PCDH15: variants seen among roughly 807,000 people sequenced by gnomAD.
PCDH15 encodes the protein protocadherin related 15.
In PCDH15, 129 loss-of-function variants were observed where a neutral mutation model predicts 178.5. That is an observed-to-expected ratio of 0.72 (90% CI 0.63 to 0.84). The LOEUF (loss-of-function observed/expected upper bound fraction) is 0.84. Among genes scored for constraint, PCDH15 ranks in the 40% least tolerant of loss-of-function variants. The probability of loss-of-function intolerance (pLI) is 0.00; values close to 1 mark genes in which losing one functional copy is unlikely to be tolerated. For missense variants in PCDH15, 2,230 were observed against 2,099.9 expected (o/e 1.06, Z -1.21); for synonymous variants, 800 against 732.0 (o/e 1.09, Z -1.50).
intron 2 of PCDH15, among the ~76,000 whole-genome samples, chr10:55,001,664 A>AC (rs1839797786): frequency 6.6e-6 from 1 of 151,918 alleles, no homozygotes; most frequent in South Asian, 2.1e-4. Flanking sequence ...TCACTCACAC[A>AC]CCCCTCACTG....
At chr10:54,655,699 T>C (rs974995416) in intron 2 of PCDH15, 1 of 152,058 alleles carries the variant, frequency 6.6e-6, no homozygotes, top group Admixed American at 6.6e-5. Flanking sequence ...ACCAGAAAAT[T>C]CTTCTAAAGC....
chr10:55,142,567 T>C (rs1379985023), intron 2 of PCDH15, among the ~76,000 whole-genome samples: 1 of 151,072 alleles, frequency 6.6e-6, no homozygotes, highest in East Asian at 1.9e-4. Context: ...GGTACATAGA[T>C]TGTGTGTATC....
intron 2 of PCDH15, among the ~76,000 whole-genome samples, chr10:55,127,735 T>A (rs932846073): frequency 1.3e-5 from 2 of 152,058 alleles, no homozygotes; most frequent in African/African-American, 4.8e-5. Context: ...AATTAGACAG[T>A]TATGATTATC....
At chr10:54,276,085 TA>T (rs112121924) in intron 8 of PCDH15, among the ~76,000 whole-genome samples, 2 of 150,704 alleles carry the variant, frequency 1.3e-5, no homozygotes, top group Non-Finnish European at 3.0e-5. Context: ...GGTATTTAAA[TA>T]AAAAAAAGAC....
At chr10:54,687,809 C>T (rs1225147547) in intron 1 of PCDH15, among the ~76,000 whole-genome samples, 1 of 151,972 alleles carries the variant, frequency 6.6e-6, no homozygotes, top group Admixed American at 6.6e-5. Flanking sequence ...CCTTTAAGAC[C>T]ACTTTGCTGG....
chr10:53,871,065 GGC>G (rs2079808428), intron 26 of PCDH15, among the ~76,000 whole-genome samples: 1 of 151,914 alleles, frequency 6.6e-6, no homozygotes, highest in South Asian at 2.1e-4. Flanking sequence ...CGGGCGCGGT[GGC>G]TCACACCTGT....
intron 3 of PCDH15, among the ~76,000 whole-genome samples, chr10:54,487,303 G>A (rs927154672): frequency 1.3e-5 from 2 of 151,918 alleles, no homozygotes; most frequent in African/African-American, 4.8e-5. Context: ...TGTACACATG[G>A]ACGTAAAGTG....
At chr10:55,248,528 A>C (rs1483204599) in intron 1 of PCDH15, among the ~76,000 whole-genome samples, 1 of 152,172 alleles carries the variant, frequency 6.6e-6, no homozygotes, top group African/African-American at 2.4e-5. Context: ...GGATACGCGG[A>C]TAAGCATCCA....
At position 54,853,334 on chromosome 10, in the gene PCDH15, T is replaced by C. The variant is rs147157433; in HGVS notation, c.-29+44116A>G. 3.0e-3 allele frequency among the ~76,000 whole-genome samples: 284 copies of C among 94,152 alleles called. 1 individual carries two copies. The highest frequency in any genetic ancestry group is 4.7e-3 in the Admixed American group (39 of 8,316). 61.8% of individuals were successfully genotyped at this position (94,152 alleles called of 152,430 possible). On this transcript the variant is annotated intron_variant, in intron 3 of 5. Transcript: ENST00000458638. ...ATATATATATACATACACACACATATACATATATATACATATATATATACA... is the reference window on the plus strand; with the variant it reads ...ATATATATATACATACACACACATACACATATATATACATATATATATACA...
intron 1 of PCDH15, among the ~76,000 whole-genome samples, chr10:54,724,705 C>A (rs113904124): frequency 0.12 from 18,431 of 150,856 alleles, 1,251 homozygotes; most frequent in African/African-American, 0.17. Context: ...GAATAAACGA[C>A]TCAACAGAAA....
At chr10:54,198,401 C>T (rs930910839) in intron 10 of PCDH15, among the ~76,000 whole-genome samples, 3 of 151,922 alleles carry the variant, frequency 2.0e-5, no homozygotes, top group South Asian at 2.1e-4. Context: ...TTCACTCTTA[C>T]AGGCTCAGAG....
chr10:54,291,704 T>A (rs1342193333), intron 8 of PCDH15, among the ~76,000 whole-genome samples: 1 of 151,990 alleles, frequency 6.6e-6, no homozygotes, highest in Non-Finnish European at 1.5e-5. Flanking sequence ...TCTATGCAAA[T>A]AAACCGGAAA....
chr10:55,401,305 G>C (rs1838056525), intron 2 of PCDH15, among the ~76,000 whole-genome samples: 1 of 151,942 alleles, frequency 6.6e-6, no homozygotes, highest in Non-Finnish European at 1.5e-5. Context: ...ATCTGCCTGG[G>C]CAGCCTGGTA....
intron 2 of PCDH15, among the ~76,000 whole-genome samples, chr10:54,621,660 G>A (rs1007599430): frequency 1.3e-4 from 19 of 151,874 alleles, no homozygotes; most frequent in African/African-American, 4.3e-4. Context: ...CCCTCCTTCA[G>A]CATTGTTTTT....
At chr10:54,985,639 AACT>A (rs1039366890) in intron 2 of PCDH15, among the ~76,000 whole-genome samples, 1 of 152,202 alleles carries the variant, frequency 6.6e-6, no homozygotes, top group Non-Finnish European at 1.5e-5. Flanking sequence ...AGCTGTGGCT[AACT>A]ACTACTACCT....
At chr10:55,527,481 T>G (rs1841325577) in intron 2 of PCDH15, among the ~76,000 whole-genome samples, 1 of 152,010 alleles carries the variant, frequency 6.6e-6, no homozygotes, top group Non-Finnish European at 1.5e-5. Flanking sequence ...GTCGATTTAC[T>G]CCAGGATGAC....
chr10:54,268,200 G>A (rs983465418), intron 8 of PCDH15, among the ~76,000 whole-genome samples: 3 of 151,766 alleles, frequency 2.0e-5, no homozygotes, highest in Non-Finnish European at 4.4e-5. Flanking sequence ...TCAATTAATA[G>A]TGCTGGGAAA....
intron 15 of PCDH15, among the ~76,000 whole-genome samples, chr10:54,118,650 ACT>A (rs1008451202): frequency 3.9e-5 from 6 of 151,994 alleles, no homozygotes; most frequent in Non-Finnish European, 8.8e-5. Context: ...ACAGAGTGAG[ACT>A]CTGTGTCAAA....
intron 3 of PCDH15, among the ~76,000 whole-genome samples, chr10:54,491,887 G>A (rs1296083795): frequency 1.3e-5 from 2 of 152,086 alleles, no homozygotes; most frequent in African/African-American, 4.8e-5. Context: ...ATCTTATTGA[G>A]AAATGCCTTG....
Sources: allele counts gnomAD v4.1 joint callset (sites outside exome capture counted in the v4.1 genomes callset), GRCh38; gene constraint gnomAD v4.1.1; transcripts MANE v1.5; gene names NCBI Gene and HGNC (gene_info 2026-07-23, HGNC 2026-07-21).